Variants in CYP3A43 observed in about 807,000 individuals in gnomAD.
CYP3A43 encodes the protein cytochrome P450 family 3 subfamily A member 43.
A neutral mutation model predicts 58.0 loss-of-function variants in CYP3A43; 45 were observed. That is an observed-to-expected ratio of 0.78 (90% CI 0.61 to 0.99). The LOEUF (loss-of-function observed/expected upper bound fraction) is 0.99, where lower values mean the gene tolerates loss of function less well. CYP3A43 is among the 50% of genes least tolerant of loss of function. The pLI is 0.00. For synonymous variants in CYP3A43, 191 were observed against 201.4 expected (o/e 0.95, Z 0.44); for missense variants, 593 against 591.9 (o/e 1.00, Z -0.02).
chr7:99,859,939 T>C lies in CYP3A43; in HGVS notation c.975T>C (p.Pro325=). 1 of 1,613,288 alleles carries C rather than the reference T, an allele frequency of 6.2e-7. No homozygotes were observed. Among genetic ancestry groups the C allele is most frequent in the South Asian group, 1.1e-5 (1 of 90,938 alleles). The change falls in exon 10 of 13, where the codon CCT becomes CCC. Residue 325 remains proline, a synonymous_variant. Coordinates refer to ENST00000354829, the MANE Select transcript of CYP3A43 (RefSeq NM_057095.3). The part of the protein sequence containing the change: ...PFIMYELATH[P]DVQQKLQEEI... ...TTATGTATGAACTGGCCACTCACCCTGATGTCCAGCAGAAACTGCAGGAGG... is the reference window on the plus strand; with the variant it reads ...TTATGTATGAACTGGCCACTCACCCCGATGTCCAGCAGAAACTGCAGGAGG...
At chr7:99,838,326 C>T (rs1817178036) in intron 2 of CYP3A43, among the ~76,000 whole-genome samples, 1 of 152,094 alleles carries the variant, frequency 6.6e-6, no homozygotes, top group South Asian at 2.1e-4. Context: ...AAAAGTGGTC[C>T]CTGATGTTTT....
intron 11 of CYP3A43, among the ~76,000 whole-genome samples, chr7:99,862,411 C>G (rs1254571205): frequency 6.6e-6 from 1 of 152,138 alleles, no homozygotes; most frequent in East Asian, 1.9e-4. Flanking sequence ...GTTTAAGCCA[C>G]TTCATTGAGG....
chr7:99,833,909 G>A (rs1457704945), intron 1 of CYP3A43, among the ~76,000 whole-genome samples: 2 of 152,202 alleles, frequency 1.3e-5, no homozygotes, highest in African/African-American at 4.8e-5. Context: ...ACTCACTAAT[G>A]AGGGTTTTGA....
intron 11 of CYP3A43, among the ~76,000 whole-genome samples, chr7:99,863,024 A>G (rs1335149835): frequency 6.6e-6 from 1 of 152,168 alleles, no homozygotes. Flanking sequence ...AAATCCATAT[A>G]CTAAAAAAAG....
At position 99,839,380 on chromosome 7, in the gene CYP3A43, T is replaced by A. The variant is rs1201375353; in HGVS notation, c.218+208T>A. ...TGCGTGTCATAGGAAACTCCATGCA[T>A]ATTCAGTATGTGAACAAAAATAAAA... On this transcript the variant is annotated intron_variant, in intron 3 of 12. Transcript: ENST00000354829. 4 of 712,922 alleles carry A rather than the reference T, an allele frequency of 5.6e-6. No individual in the cohort carries two copies. The Admixed American group carries it at 8.1e-5, about 14-fold the overall frequency. 44.2% of individuals were successfully genotyped at this position (712,922 alleles called of 1,614,324 possible). A position where few individuals can be genotyped will look rare whatever the true frequency, so the allele number is the denominator to read the frequency against.
chr7:99,862,946 T>C (rs1563073709), intron 11 of CYP3A43, among the ~76,000 whole-genome samples: 1 of 152,204 alleles, frequency 6.6e-6, no homozygotes, highest in Non-Finnish European at 1.5e-5. Flanking sequence ...TACTTCTCTT[T>C]GCATCATTCA....
At chr7:99,842,336 T>C (rs76464529) in intron 3 of CYP3A43, among the ~76,000 whole-genome samples, 4,598 of 152,340 alleles carry the variant, frequency 0.03, 98 homozygotes, top group Middle Eastern at 0.13. Flanking sequence ...CTACCAATAC[T>C]GAGGAACTTC....
intron 9 of CYP3A43, among the ~76,000 whole-genome samples, chr7:99,857,773 G>A (rs927874329): frequency 2.0e-5 from 3 of 152,098 alleles, no homozygotes; most frequent in African/African-American, 7.2e-5. Context: ...AACCAGGGAG[G>A]CGGAGGTTGC....
chr7:99,838,991 CT>C, intron 2 of CYP3A43, 128 bp from the exon 3 acceptor site: 1 of 1,076,224 alleles, frequency 9.3e-7, no homozygotes, highest in Non-Finnish European at 1.4e-6. Flanking sequence ...AAGATTCCCT[CT>C]AACTGCCAGT....
chr7:99,831,227 T>C (rs1040241167), intron 1 of CYP3A43, among the ~76,000 whole-genome samples: 1 of 152,226 alleles, frequency 6.6e-6, no homozygotes, highest in Non-Finnish European at 1.5e-5. Flanking sequence ...TTTTCAGCTT[T>C]ATCACATTTT....
intron 1 of CYP3A43, among the ~76,000 whole-genome samples, chr7:99,834,334 A>G (rs1816976336): frequency 1.3e-5 from 2 of 152,108 alleles, no homozygotes; most frequent in African/African-American, 4.8e-5. Flanking sequence ...TCAGGAGGCC[A>G]TTTGTTATCT....
chr7:99,832,456 C>T (rs1215115807), intron 1 of CYP3A43, among the ~76,000 whole-genome samples: 1 of 146,130 alleles, frequency 6.8e-6, no homozygotes, highest in Non-Finnish European at 1.5e-5. Context: ...GACCAAACAC[C>T]GCATGTTCTC....
At position 99,861,310 on chromosome 7, in the gene CYP3A43, A is replaced by C. The variant is rs75131897; in HGVS notation, c.1027-303A>C. Among the ~76,000 whole-genome samples the C allele has an allele frequency of 9.3e-4, 142 of 152,290 alleles. 1 individual carries two copies. The highest frequency in any genetic ancestry group is 3.3e-3 in the African/African-American group (137 of 41,556). Reference sequence around the variant, plus strand: ...CTTTGGCATATTTTAGGTGATTCAAATGGCCATCGTCTATTAGTCATGTTT... The same window carrying C: ...CTTTGGCATATTTTAGGTGATTCAACTGGCCATCGTCTATTAGTCATGTTT... On this transcript the variant is annotated intron_variant, in intron 10 of 12. Transcript: ENST00000354829.
intron 1 of CYP3A43, among the ~76,000 whole-genome samples, chr7:99,836,252 C>T (rs551426023): frequency 6.6e-6 from 1 of 152,286 alleles, no homozygotes; most frequent in African/African-American, 2.4e-5. Flanking sequence ...AATAAATATC[C>T]TCCTGAACCC....
intron 6 of CYP3A43, 55 bp from the exon 7 acceptor site, chr7:99,849,491 C>A: frequency 6.4e-7 from 1 of 1,550,860 alleles, no homozygotes; most frequent in Non-Finnish European, 8.7e-7. Context: ...GTGTGTATAG[C>A]AGAAGGAAGG....
chr7:99,860,124 G>A lies in CYP3A43; in HGVS notation c.1026+134G>A. On this transcript the variant is annotated intron_variant, in intron 10 of 12. Coordinates refer to ENST00000354829, the MANE Select transcript of CYP3A43 (RefSeq NM_057095.3). Reference sequence around the variant, plus strand: ...TTCATTTACACTATGCAGAAAGGCTGTAAAGAGTAAAAACAAAGGGAGAAT... The same window carrying A: ...TTCATTTACACTATGCAGAAAGGCTATAAAGAGTAAAAACAAAGGGAGAAT... 2 of 1,122,620 alleles carry A rather than the reference G, an allele frequency of 1.8e-6. 1 individual carries two copies. Among genetic ancestry groups the A allele is most frequent in the Non-Finnish European group, 2.5e-6 (2 of 812,468 alleles). 69.5% of individuals were successfully genotyped at this position (1,122,620 alleles called of 1,614,324 possible).
At chr7:99,846,032 C>T (rs536609868) in intron 4 of CYP3A43, among the ~76,000 whole-genome samples, 1 of 152,268 alleles carries the variant, frequency 6.6e-6, no homozygotes, top group South Asian at 2.1e-4. Context: ...CTGCCTGGGC[C>T]TCCCAAAGTG....
Position 99,856,918 on chromosome 7 carries a change from TG to T in CYP3A43, c.865+24del, listed in dbSNP as rs1406164210. 6.2e-7 allele frequency: 1 copy of T among 1,609,838 alleles called. No individual in the cohort carries two copies. Among genetic ancestry groups the T allele is most frequent in the Admixed American group, 1.7e-5 (1 of 59,120 alleles). On this transcript the variant is annotated intron_variant, in intron 9 of 12. Transcript: ENST00000354829. ...CATAAAGGTAACCAAGAACTGCATC[TG>T]GGGGCTACTGATGGGGACACTCAGA...
intron 7 of CYP3A43, among the ~76,000 whole-genome samples, chr7:99,850,952 A>G (rs566236853): frequency 3.9e-5 from 6 of 152,200 alleles, no homozygotes; most frequent in Non-Finnish European, 7.4e-5. Flanking sequence ...GCAGATCACA[A>G]GGTCAAGAGA....
Sources: allele counts gnomAD v4.1 joint callset (sites outside exome capture counted in the v4.1 genomes callset), GRCh38; gene constraint gnomAD v4.1.1; transcripts MANE v1.5; gene names NCBI Gene and HGNC (gene_info 2026-07-23, HGNC 2026-07-21).